TANC2: variants seen among roughly 807,000 people sequenced by gnomAD.
TANC2 encodes the protein protein TANC2.
In TANC2, 26 loss-of-function variants were observed where a neutral mutation model predicts 210.5. That is an observed-to-expected ratio of 0.12 (90% CI 0.09 to 0.17). The LOEUF is 0.17. Among genes scored for constraint, TANC2 ranks in the 10% least tolerant of loss-of-function variants. TANC2 has a pLI of 1.00. For synonymous variants in TANC2, 931 were observed against 967.1 expected (o/e 0.96, Z 0.69); for missense variants, 2,129 against 2,608.9 (o/e 0.82, Z 4.01).
At chr17:63,064,899 A>G (rs1240839013) in intron 2 of TANC2, among the ~76,000 whole-genome samples, 1 of 151,954 alleles carries the variant, frequency 6.6e-6, no homozygotes, top group Non-Finnish European at 1.5e-5. Context: ...AGAATATTTA[A>G]TATCTGTACT....
At chr17:63,369,871 G>GGGAT (rs2047214796) in intron 14 of TANC2, among the ~76,000 whole-genome samples, 1 of 151,986 alleles carries the variant, frequency 6.6e-6, no homozygotes. Context: ...CCAAAGTGCT[G>GGGAT]GGATTACAGG....
intron 12 of TANC2, among the ~76,000 whole-genome samples, chr17:63,349,643 C>G (rs1456666274): frequency 6.6e-6 from 1 of 152,186 alleles, no homozygotes; most frequent in Non-Finnish European, 1.5e-5. Context: ...GTGGCCTCTC[C>G]TGAACCAGTA....
chr17:63,079,879 T>C (rs1040940539), intron 3 of TANC2, among the ~76,000 whole-genome samples: 1 of 152,140 alleles, frequency 6.6e-6, no homozygotes, highest in African/African-American at 2.4e-5. Context: ...ACTGTTCCAG[T>C]TTAGGGGCAG....
At chr17:63,209,482 G>A (rs1163688958) in intron 7 of TANC2, among the ~76,000 whole-genome samples, 2 of 152,134 alleles carry the variant, frequency 1.3e-5, no homozygotes, top group Non-Finnish European at 2.9e-5. Flanking sequence ...AGCCTGGGCT[G>A]GAGTGCAGTG....
intron 9 of TANC2, among the ~76,000 whole-genome samples, chr17:63,295,902 G>A (rs2044521290): frequency 6.6e-6 from 1 of 152,154 alleles, no homozygotes; most frequent in African/African-American, 2.4e-5. Context: ...GCCCACAACT[G>A]AGGCAGTCCT....
At chr17:63,163,433 A>G (rs904218170) in intron 5 of TANC2, among the ~76,000 whole-genome samples, 4 of 152,210 alleles carry the variant, frequency 2.6e-5, no homozygotes, top group Admixed American at 6.5e-5. Context: ...ACCAATAGCT[A>G]TAATCTTCAA....
intron 4 of TANC2, among the ~76,000 whole-genome samples, chr17:63,115,312 G>A (rs921249894): frequency 6.6e-6 from 1 of 152,044 alleles, no homozygotes; most frequent in Non-Finnish European, 1.5e-5. Context: ...TTTCTAGTTA[G>A]GTAGGATAAA....
intron 7 of TANC2, among the ~76,000 whole-genome samples, chr17:63,235,974 A>G (rs2042609638): frequency 6.6e-6 from 1 of 152,086 alleles, no homozygotes; most frequent in Non-Finnish European, 1.5e-5. Flanking sequence ...TTATTAAGGT[A>G]CTTAAATCCA....
rs149535346 is a variant in TANC2 at position 63,028,134 on chromosome 17, G to C, written c.67+18508G>C. 2.0e-5 allele frequency among the ~76,000 whole-genome samples: 3 copies of C among 152,082 alleles called. No individual in the cohort carries two copies. In the East Asian group the frequency reaches 5.8e-4, roughly 29 times the overall value. On this transcript the variant is annotated intron_variant, in intron 2 of 27. Coordinates refer to ENST00000689528, the Ensembl canonical transcript of TANC2. Reference sequence around the variant, plus strand: ...CCTTACCGAGATGGAAAATAAGCTGGTCATGTCTGTAAACCAAGAATGAAC... The same window carrying C: ...CCTTACCGAGATGGAAAATAAGCTGCTCATGTCTGTAAACCAAGAATGAAC...
Position 63,109,513 on chromosome 17 carries a change from C to G in TANC2, c.322+10156C>G, listed in dbSNP as rs921415021. Among the ~76,000 whole-genome samples, 13 of 151,634 alleles carry G rather than the reference C, an allele frequency of 8.6e-5. No individual in the cohort carries two copies. In the South Asian group the frequency reaches 2.3e-3, roughly 27 times the overall value. Reference sequence around the variant, plus strand: ...CTTAAAATTATGACTAGCCTGGTAACCATAGAAATCAAAGATCTCCAAGAG... The same window carrying G: ...CTTAAAATTATGACTAGCCTGGTAAGCATAGAAATCAAAGATCTCCAAGAG... On this transcript the variant is annotated intron_variant, in intron 4 of 27. Transcript: ENST00000689528.
At chr17:63,031,684 T>A (rs1343901966) in intron 2 of TANC2, among the ~76,000 whole-genome samples, 2 of 152,154 alleles carry the variant, frequency 1.3e-5, no homozygotes, top group Admixed American at 1.3e-4. Context: ...GATTATAGGG[T>A]GAGCACTTAA....
rs187274713 is a variant in TANC2 at position 63,344,182 on chromosome 17, G to A, written c.1807+3850G>A. Reference sequence around the variant, plus strand: ...ACTCTATTGTGAACTATGCGTGCAAGGGATCTAGGTTGCGCACTTCATCTA... The same window carrying A: ...ACTCTATTGTGAACTATGCGTGCAAAGGATCTAGGTTGCGCACTTCATCTA... On this transcript the variant is annotated intron_variant, in intron 12 of 27. Coordinates refer to ENST00000689528, the Ensembl canonical transcript of TANC2. Among the ~76,000 whole-genome samples, 28 of 152,292 alleles carry A rather than the reference G, an allele frequency of 1.8e-4. 1 individual carries two copies. Among genetic ancestry groups the A allele is most frequent in the Admixed American group, 5.2e-4 (8 of 15,298 alleles).
At chr17:63,357,191 C>T (rs2046805557) in intron 14 of TANC2, among the ~76,000 whole-genome samples, 1 of 152,084 alleles carries the variant, frequency 6.6e-6, no homozygotes, top group Admixed American at 6.6e-5. Flanking sequence ...AGATCAGTTC[C>T]CAGAGAAACT....
At chr17:63,221,662 A>G (rs1472138285) in intron 7 of TANC2, among the ~76,000 whole-genome samples, 1 of 152,354 alleles carries the variant, frequency 6.6e-6, no homozygotes, top group East Asian at 1.9e-4. Flanking sequence ...ATAGATGTTC[A>G]ATATCAATAA....
chr17:63,419,992 C>G lies in TANC2; in HGVS notation c.4269-7C>G. The G allele has an allele frequency of 6.5e-7, 1 of 1,530,564 alleles. No individual in the cohort carries two copies. The highest frequency in any genetic ancestry group is 8.8e-7 in the Non-Finnish European group (1 of 1,134,278). 94.8% of individuals were successfully genotyped at this position (1,530,564 alleles called of 1,614,324 possible). A position where few individuals can be genotyped will look rare whatever the true frequency, so the allele number is the denominator to read the frequency against. Reference sequence around the variant, plus strand: ...TCCAGTTCCTGTGTTCACATTTTGTCAAGCAGACAGTTCGCAGCAGCCTTA... The same window carrying G: ...TCCAGTTCCTGTGTTCACATTTTGTGAAGCAGACAGTTCGCAGCAGCCTTA... On this transcript the variant is annotated splice_polypyrimidine_tract_variant and splice_region_variant and intron_variant, in intron 27 of 27. Transcript: ENST00000689528.
rs567994489 is a variant in TANC2 at position 63,251,300 on chromosome 17, T to G, written c.1033+13223T>G. Among the ~76,000 whole-genome samples the G allele has an allele frequency of 2.0e-5, 3 of 152,242 alleles. No individual in the cohort carries two copies. In the East Asian group the frequency reaches 5.8e-4, roughly 29 times the overall value. On this transcript the variant is annotated intron_variant, in intron 8 of 27. Coordinates refer to ENST00000689528, the Ensembl canonical transcript of TANC2. ...CAAGGAAAGTGCAGCCTAAGCAAAGTTTTGGCAAAGGGAAAGATAAGTTTG... is the reference window on the plus strand; with the variant it reads ...CAAGGAAAGTGCAGCCTAAGCAAAGGTTTGGCAAAGGGAAAGATAAGTTTG...
chr17:63,144,154 T>C (rs560363402), intron 4 of TANC2, among the ~76,000 whole-genome samples: 2 of 152,314 alleles, frequency 1.3e-5, no homozygotes, highest in African/African-American at 4.8e-5. Context: ...GCTGACTAGG[T>C]AGATTTCAAT....
At chr17:63,101,758 A>G (rs926808514) in intron 4 of TANC2, among the ~76,000 whole-genome samples, 4 of 152,224 alleles carry the variant, frequency 2.6e-5, no homozygotes, top group Non-Finnish European at 1.5e-5. Flanking sequence ...ATGGAAGGGG[A>G]TAGAAACTGG....
At chr17:63,037,541 C>T (rs570551817) in intron 2 of TANC2, among the ~76,000 whole-genome samples, 1 of 151,968 alleles carries the variant, frequency 6.6e-6, no homozygotes, top group African/African-American at 2.4e-5. Context: ...AGGCTGGGTG[C>T]GGTGGCTCAC....
Sources: allele counts gnomAD v4.1 joint callset (sites outside exome capture counted in the v4.1 genomes callset), GRCh38; gene constraint gnomAD v4.1.1; transcripts MANE v1.5; gene names NCBI Gene and HGNC (gene_info 2026-07-23, HGNC 2026-07-21).